The following ATRNL1 variants were observed in gnomAD, a reference collection of about 807,000 sequenced individuals.
ATRNL1 encodes attractin like 1, also known as attractin-like protein 1.
Under a neutral mutation model 182.7 loss-of-function variants are expected in ATRNL1, and 95 were observed. The observed-to-expected ratio is 0.52, with a 90% confidence interval of 0.44 to 0.62. ATRNL1 has a LOEUF of 0.62. Among genes scored for constraint, ATRNL1 ranks in the 20% least tolerant of loss-of-function variants. The pLI is 0.00. For synonymous variants in ATRNL1, 576 were observed against 568.3 expected, an observed-to-expected ratio of 1.01 and a Z score of -0.19; for missense variants, 1,471 against 1,679.5, an observed-to-expected ratio of 0.88 and a Z score of 2.17.
intron 8 of ATRNL1, among the ~76,000 whole-genome samples, chr10:115,180,866 T>G (rs1847722170): frequency 6.6e-6 from 1 of 151,948 alleles, no homozygotes; most frequent in Non-Finnish European, 1.5e-5. Context: ...AGATGTTTTT[T>G]GGTAAGGGTT....
In ATRNL1 at chr10:115,334,276, C is replaced by T; in HGVS notation, c.3038-6C>T. The T allele has an allele frequency of 6.6e-7, 1 of 1,508,516 alleles. No homozygotes were observed. Among genetic ancestry groups the T allele is most frequent in the Non-Finnish European group, 9.0e-7 (1 of 1,112,934 alleles). 93.4% of individuals were successfully genotyped at this position (1,508,516 alleles called of 1,614,324 possible). ...TATTTGTAATGCTTTTTACTGTTTCCTTTAGCTTGCCAGTGTAATGGACAT... is the reference window on the plus strand; with the variant it reads ...TATTTGTAATGCTTTTTACTGTTTCTTTTAGCTTGCCAGTGTAATGGACAT... On this transcript the variant is annotated splice_polypyrimidine_tract_variant and splice_region_variant and intron_variant, in intron 18 of 28. Coordinates refer to ENST00000355044, the MANE Select transcript of ATRNL1 (RefSeq NM_207303.4).
At chr10:115,921,327 TG>T (rs553222831) in intron 28 of ATRNL1, among the ~76,000 whole-genome samples, 1 of 70,212 alleles carries the variant, frequency 1.4e-5, no homozygotes, top group African/African-American at 3.1e-5. Flanking sequence ...ATTTAAGCAG[TG>T]TTTTTTTGTC....
intron 21 of ATRNL1, among the ~76,000 whole-genome samples, chr10:115,447,214 A>G (rs782594814): frequency 9.2e-5 from 14 of 151,840 alleles, no homozygotes; most frequent in Non-Finnish European, 2.1e-4. Flanking sequence ...AGTATATAGA[A>G]TATACTTAAA....
chr10:115,492,425 A>T (rs571460812), intron 24 of ATRNL1, among the ~76,000 whole-genome samples: 2 of 151,846 alleles, frequency 1.3e-5, no homozygotes, highest in Admixed American at 1.3e-4. Flanking sequence ...CATTCTTCAT[A>T]TTCTTGCATC....
At chr10:115,339,848 G>A (rs1855655304) in intron 19 of ATRNL1, among the ~76,000 whole-genome samples, 1 of 152,006 alleles carries the variant, frequency 6.6e-6, no homozygotes, top group Non-Finnish European at 1.5e-5. Flanking sequence ...TGTCATATAT[G>A]GCTTTTATTA....
At chr10:115,805,929 T>C (rs1299339535) in intron 27 of ATRNL1, among the ~76,000 whole-genome samples, 1 of 152,150 alleles carries the variant, frequency 6.6e-6, no homozygotes, top group Non-Finnish European at 1.5e-5. Flanking sequence ...AACGATAAAT[T>C]ATCTAGTGTG....
At chr10:115,536,390 T>G (rs1592810969) in intron 25 of ATRNL1, among the ~76,000 whole-genome samples, 2 of 152,168 alleles carry the variant, frequency 1.3e-5, no homozygotes, top group Non-Finnish European at 2.9e-5. Context: ...TCAGTGAGAC[T>G]CCGTGGGCGT....
chr10:115,908,281 G>A (rs1448883341), intron 28 of ATRNL1, among the ~76,000 whole-genome samples: 2 of 152,118 alleles, frequency 1.3e-5, no homozygotes, highest in African/African-American at 4.8e-5. Flanking sequence ...TTACAGTTCT[G>A]GAGGTCGGAA....
intron 26 of ATRNL1, among the ~76,000 whole-genome samples, chr10:115,604,649 A>T (rs2133950617): frequency 6.6e-6 from 1 of 152,258 alleles, no homozygotes; most frequent in East Asian, 1.9e-4. Flanking sequence ...CCCATTTAGG[A>T]TACCCTTCCT....
At position 115,383,175 on chromosome 10, in the gene ATRNL1, T is replaced by C. The variant is rs551667141; in HGVS notation, c.3176-11484T>C. Among the ~76,000 whole-genome samples the C allele has an allele frequency of 3.9e-5, 6 of 151,910 alleles. No individual in the cohort carries two copies. In the East Asian group the frequency reaches 7.7e-4, roughly 20 times the overall value. On this transcript the variant is annotated intron_variant, in intron 19 of 28. Coordinates refer to ENST00000355044, the MANE Select transcript of ATRNL1 (RefSeq NM_207303.4). ...TTTTAGTGTGGTACATTGCATTTAC[T>C]GATTTTTGTATGTGAAACCAACTTT...
intron 5 of ATRNL1, among the ~76,000 whole-genome samples, chr10:115,137,147 G>A (rs1360631536): frequency 3.9e-5 from 6 of 152,202 alleles, no homozygotes; most frequent in African/African-American, 7.2e-5. Context: ...AGCCAAGATC[G>A]CACCATTGCA....
At chr10:115,197,782 T>G (rs1162115340) in intron 8 of ATRNL1, among the ~76,000 whole-genome samples, 1 of 152,150 alleles carries the variant, frequency 6.6e-6, no homozygotes, top group African/African-American at 2.4e-5. Flanking sequence ...TATTTTCTAT[T>G]TGCATTTGGT....
chr10:115,707,131 T>G (rs1946924407), intron 26 of ATRNL1, among the ~76,000 whole-genome samples: 1 of 151,748 alleles, frequency 6.6e-6, no homozygotes, highest in Non-Finnish European at 1.5e-5. Context: ...TAATATATAA[T>G]AAAAATAATG....
intron 26 of ATRNL1, among the ~76,000 whole-genome samples, chr10:115,567,027 C>T (rs1854113926): frequency 6.6e-6 from 1 of 152,216 alleles, no homozygotes; most frequent in South Asian, 2.1e-4. Context: ...GTTTGTCCAG[C>T]CAGGACAAAC....
At chr10:115,654,593 C>A (rs1484953278) in intron 26 of ATRNL1, among the ~76,000 whole-genome samples, 1 of 152,142 alleles carries the variant, frequency 6.6e-6, no homozygotes, top group Non-Finnish European at 1.5e-5. Context: ...TTGCCTTTTA[C>A]ATTTTTTGAG....
intron 9 of ATRNL1, among the ~76,000 whole-genome samples, chr10:115,232,426 GTTGT>G (rs201623738): frequency 0.023 from 3,480 of 152,136 alleles, 67 homozygotes; most frequent in Non-Finnish European, 0.035. Context: ...GTCATATGTA[GTTGT>G]TTGTGTACCC....
At chr10:115,797,397 A>G (rs192446017) in intron 27 of ATRNL1, among the ~76,000 whole-genome samples, 216 of 152,208 alleles carry the variant, frequency 1.4e-3, no homozygotes, top group Non-Finnish European at 2.6e-3. Context: ...GCACTGGGAT[A>G]CTCACCAAGC....
chr10:115,105,227 C>T (rs1843953340), intron 1 of ATRNL1, among the ~76,000 whole-genome samples: 1 of 152,022 alleles, frequency 6.6e-6, no homozygotes, highest in South Asian at 2.1e-4. Flanking sequence ...TCTTCAATTT[C>T]TTTCATTTTT....
At chr10:115,939,184 C>T (rs971713536) in intron 28 of ATRNL1, among the ~76,000 whole-genome samples, 6 of 152,162 alleles carry the variant, frequency 3.9e-5, no homozygotes, top group Non-Finnish European at 5.9e-5. Flanking sequence ...AACTCTTGGC[C>T]TCCAGCCCAG....
Sources: allele counts gnomAD v4.1 joint callset (sites outside exome capture counted in the v4.1 genomes callset), GRCh38; gene constraint gnomAD v4.1.1; transcripts MANE v1.5; gene names NCBI Gene and HGNC (gene_info 2026-07-23, HGNC 2026-07-21).